Variants in SH3RF1 observed in about 807,000 individuals in gnomAD.
SH3RF1 encodes E3 ubiquitin-protein ligase SH3RF1.
Under a neutral mutation model 74.0 loss-of-function variants are expected in SH3RF1, and 32 were observed. The observed-to-expected ratio is 0.43, with a 90% CI of 0.33 to 0.58. The LOEUF is 0.58. Among genes scored for constraint, SH3RF1 ranks in the 20% least tolerant of loss-of-function variants. The pLI is 0.05. For missense variants in SH3RF1, 954 were observed against 1,130.9 expected, an observed-to-expected ratio of 0.84 and a Z score of 2.24; for synonymous variants, 396 against 439.6, an observed-to-expected ratio of 0.90 and a Z score of 1.24.
At chr4:169,113,505 G>C (rs754600254) in intron 10 of SH3RF1, among the ~76,000 whole-genome samples, 18 of 152,160 alleles carry the variant, frequency 1.2e-4, no homozygotes, top group Non-Finnish European at 2.5e-4. Context: ...TTTAGAAAGG[G>C]AAATAAAACT....
chr4:169,259,178 T>TAAG (rs1426495439), intron 2 of SH3RF1, among the ~76,000 whole-genome samples: 2 of 151,978 alleles, frequency 1.3e-5, no homozygotes, highest in Non-Finnish European at 2.9e-5. Flanking sequence ...TGGCAAAAAA[T>TAAG]AATAATAATA....
chr4:169,264,791 TA>T (rs1349374752), intron 2 of SH3RF1, among the ~76,000 whole-genome samples: 1 of 152,200 alleles, frequency 6.6e-6, no homozygotes, highest in African/African-American at 2.4e-5. Context: ...CCTTCTACAT[TA>T]TCAAATTTGA....
At chr4:169,103,384 T>C (rs1426982411) in intron 11 of SH3RF1, among the ~76,000 whole-genome samples, 4 of 152,126 alleles carry the variant, frequency 2.6e-5, no homozygotes, top group Admixed American at 6.6e-5. Flanking sequence ...TACCAGTCAG[T>C]AGAATTTTTA....
chr4:169,248,948 A>T (rs1731052917), intron 2 of SH3RF1, among the ~76,000 whole-genome samples: 1 of 152,122 alleles, frequency 6.6e-6, no homozygotes, highest in Non-Finnish European at 1.5e-5. Flanking sequence ...GCAATTAGGG[A>T]CGGGCCCAGT....
At position 169,205,102 on chromosome 4, in the gene SH3RF1, G is replaced by T. The variant is rs559750074; in HGVS notation, c.394-48423C>A. 3.3e-5 allele frequency among the ~76,000 whole-genome samples: 5 copies of T among 152,332 alleles called. 1 individual carries two copies. In the East Asian group the frequency reaches 5.8e-4, roughly 18 times the overall value. On this transcript the variant is annotated intron_variant, in intron 2 of 11. Transcript: ENST00000284637. ...TGACAGAGTAACAAGGGAGTGAAGGGAAATAGCTTCATTAAATGAACTATT... is the reference window on the plus strand; with the variant it reads ...TGACAGAGTAACAAGGGAGTGAAGGTAAATAGCTTCATTAAATGAACTATT...
chr4:169,229,979 G>C (rs1730709680), intron 2 of SH3RF1, among the ~76,000 whole-genome samples: 1 of 145,638 alleles, frequency 6.9e-6, no homozygotes, highest in South Asian at 2.1e-4. Flanking sequence ...GTGGAGACGG[G>C]TGGATCACTT....
In SH3RF1 at chr4:169,094,732, G is replaced by GT. The variant is rs1222866029; in HGVS notation, c.*1786dup. The stretch of plus-strand genomic sequence containing the variant: ...TATATTACATGAATATCCAAGTAAA[G>GT]TATTTTTTTTTTAAATTCAACACAC... On this transcript the variant is annotated 3_prime_UTR_variant, in exon 12 of 12. Coordinates refer to ENST00000284637, the MANE Select transcript of SH3RF1 (RefSeq NM_020870.4). The GT allele has an allele frequency of 4.2e-5, 1 of 23,796 alleles. No individual in the cohort carries two copies. Among genetic ancestry groups the GT allele is most frequent in the Non-Finnish European group, 1.8e-4 (1 of 5,534 alleles). The allele number at this position is 23,796 out of a possible 1,614,324, so 1.5% of individuals were successfully genotyped here.
intron 2 of SH3RF1, among the ~76,000 whole-genome samples, chr4:169,250,861 T>TGAAAAGAGACCAAACTGAAG (rs891595349): frequency 1.3e-5 from 2 of 152,034 alleles, no homozygotes; most frequent in Admixed American, 6.6e-5. Context: ...AAGAGACATT[T>TGAAAAGAGACCAAACTGAAG]GAAAAGAGAC....
chr4:169,106,581 T>C (rs959391431), intron 11 of SH3RF1, among the ~76,000 whole-genome samples: 2 of 151,904 alleles, frequency 1.3e-5, no homozygotes, highest in Non-Finnish European at 2.9e-5. Flanking sequence ...TGACAGTTTT[T>C]ACCTGGACAC....
Position 169,117,562 on chromosome 4 carries a change from G to C in SH3RF1, c.1738C>G (p.Gln580Glu). The change falls in exon 9 of 12, where the codon CAA becomes GAA. Residue 580 changes from glutamine to glutamate, a missense_variant. Transcript: ENST00000284637. ...TTGCGGGCCTGGTTGACTGTCATTTGCCCCGTCATGTGCAACAAGACCTTA... is the reference window on the plus strand; with the variant it reads ...TTGCGGGCCTGGTTGACTGTCATTTCCCCCGTCATGTGCAACAAGACCTTA... ...QAKVLLHMTGQMTVNQARNAV... is the reference protein window; with the variant it reads ...QAKVLLHMTGEMTVNQARNAV... The C allele has an allele frequency of 6.2e-7, 1 of 1,614,198 alleles. No individual in the cohort carries two copies. The highest frequency in any genetic ancestry group is 8.5e-7 in the Non-Finnish European group (1 of 1,180,036).
intron 2 of SH3RF1, among the ~76,000 whole-genome samples, chr4:169,233,653 TG>T (rs1730779761): frequency 6.6e-6 from 1 of 152,178 alleles, no homozygotes; most frequent in Admixed American, 6.5e-5. Flanking sequence ...TCTGAAAAAA[TG>T]GAAGTTATAT....
rs200702719 is a variant in SH3RF1, at chr4:169,116,464, A to G, written c.1944T>C (p.Ser648=). The G allele has an allele frequency of 5.6e-6, 9 of 1,614,020 alleles. No individual in the cohort carries two copies. In the Admixed American group the frequency reaches 1.2e-4, roughly 21 times the overall value. Residue 648 remains serine, a synonymous_variant, in exon 10 of 12, where the codon AGT becomes AGC. Coordinates refer to ENST00000284637, the MANE Select transcript of SH3RF1 (RefSeq NM_020870.4). ...CCAGAGGGGCACTGGCTCGACTGATACTGATGGCAGCAGTGTGCGTGGCTG... is the reference window on the plus strand; with the variant it reads ...CCAGAGGGGCACTGGCTCGACTGATGCTGATGGCAGCAGTGTGCGTGGCTG... ...PGSATHTAAI[S]ISRASAPLAC...
rs71622322 is a variant in SH3RF1, at chr4:169,095,550, G to A, written c.*969C>T. 350 of 152,706 alleles carry A rather than the reference G, an allele frequency of 2.3e-3. 1 individual carries two copies. The highest frequency in any genetic ancestry group is 3.2e-3 in the Non-Finnish European group (216 of 68,032). The allele number at this position is 152,706 out of a possible 1,614,324, so 9.5% of individuals were successfully genotyped here. On this transcript the variant is annotated 3_prime_UTR_variant, in exon 12 of 12. Transcript: ENST00000284637. ...TCTTATAGCCTTTGACTTAACACGA[G>A]TGCATCACTTACCACCACTATCTCA...
intron 4 of SH3RF1, among the ~76,000 whole-genome samples, chr4:169,151,567 G>A (rs1733977242): frequency 6.6e-6 from 1 of 152,186 alleles, no homozygotes; most frequent in Non-Finnish European, 1.5e-5. Flanking sequence ...TCCCTTAGAT[G>A]AGGTGAGAGA....
chr4:169,103,086 A>ATTTTTTTTTTTTTT (rs60740517), intron 11 of SH3RF1, among the ~76,000 whole-genome samples: 1 of 87,072 alleles, frequency 1.1e-5, no homozygotes, highest in Non-Finnish European at 2.1e-5. Context: ...GCGCCTGGCT[A>ATTTTTTTTTTTTTT]TTTTTTTTTT....
chr4:169,122,024 G>A lies in SH3RF1; in HGVS notation c.1346+76C>T. 3.2e-6 allele frequency: 5 copies of A among 1,561,888 alleles called. No individual in the cohort carries two copies. The South Asian group carries it at 4.7e-5, about 15-fold the overall frequency. On this transcript the variant is annotated intron_variant, in intron 7 of 11. Coordinates refer to ENST00000284637, the MANE Select transcript of SH3RF1 (RefSeq NM_020870.4). ...CGCTGTCATCAGCTCATGTCAGAAA[G>A]GTGTTTCTTGACCTCTGAGGTTTGG...
intron 2 of SH3RF1, among the ~76,000 whole-genome samples, chr4:169,176,251 G>A (rs1355842852): frequency 6.6e-6 from 1 of 152,168 alleles, no homozygotes; most frequent in East Asian, 1.9e-4. Context: ...AAGTCAATGG[G>A]GAGCAGCCTG....
chr4:169,206,516 T>A (rs560482288), intron 2 of SH3RF1, among the ~76,000 whole-genome samples: 18 of 152,240 alleles, frequency 1.2e-4, no homozygotes, highest in African/African-American at 2.9e-4. Context: ...CCATAAAAAA[T>A]TTTTAAAAAT....
chr4:169,105,869 G>C (rs554918116), intron 11 of SH3RF1, among the ~76,000 whole-genome samples: 1 of 152,282 alleles, frequency 6.6e-6, no homozygotes, highest in South Asian at 2.1e-4. Context: ...CTGCGCAACA[G>C]AGCAAGACCC....
Sources: allele counts gnomAD v4.1 joint callset (sites outside exome capture counted in the v4.1 genomes callset), GRCh38; gene constraint gnomAD v4.1.1; transcripts MANE v1.5; gene names NCBI Gene and HGNC (gene_info 2026-07-23, HGNC 2026-07-21).